MAPK10: variants seen among roughly 807,000 people sequenced by gnomAD.
MAPK10 encodes JNK3 alpha protein kinase.
In MAPK10, 25 loss-of-function variants were observed where a neutral mutation model predicts 59.3. The observed-to-expected ratio is 0.42, with a 90% CI of 0.31 to 0.59. MAPK10 has a LOEUF of 0.59. Ranked by LOEUF, MAPK10 falls within the 20% of genes least tolerant of loss-of-function variation. The probability of loss-of-function intolerance (pLI) is 0.15; values close to 1 mark genes in which losing one functional copy is unlikely to be tolerated. For missense variants in MAPK10, 351 were observed against 568.9 expected (o/e 0.62, Z 3.90); for synonymous variants, 190 against 200.5 (o/e 0.95, Z 0.44).
intron 2 of MAPK10, among the ~76,000 whole-genome samples, chr4:86,344,337 C>T (rs1726858662): frequency 6.6e-6 from 1 of 152,118 alleles, no homozygotes. Flanking sequence ...CCAGGCTGGC[C>T]TCAAACTCCT....
At chr4:86,107,480 A>T (rs2149084912) in intron 4 of MAPK10, 128 bp from the exon 5 acceptor site, 2 of 1,370,334 alleles carry the variant, frequency 1.5e-6, no homozygotes, top group East Asian at 5.5e-5. Context: ...CTCTGGTCAC[A>T]TGCCAATCAG....
chr4:86,491,059 T>C (rs1675329441), intron 1 of MAPK10, among the ~76,000 whole-genome samples: 1 of 152,178 alleles, frequency 6.6e-6, no homozygotes, highest in African/African-American at 2.4e-5. Context: ...AGATGTGATC[T>C]ACTGTGGGCA....
At chr4:86,163,175 T>C (rs2070407129) in intron 3 of MAPK10, among the ~76,000 whole-genome samples, 1 of 152,136 alleles carries the variant, frequency 6.6e-6, no homozygotes, top group Non-Finnish European at 1.5e-5. Context: ...CATAATAGCA[T>C]AGGAAATTTT....
At chr4:86,488,746 C>T (rs1023780413) in intron 1 of MAPK10, among the ~76,000 whole-genome samples, 1 of 152,184 alleles carries the variant, frequency 6.6e-6, no homozygotes, top group South Asian at 2.1e-4. Context: ...GTACTGCCCA[C>T]CCTTCCCCAT....
chr4:86,565,542 C>G (rs1713047189), intron 1 of MAPK10, among the ~76,000 whole-genome samples: 2 of 152,156 alleles, frequency 1.3e-5, no homozygotes, highest in Admixed American at 6.5e-5. Flanking sequence ...CAAGGTCCCT[C>G]TAAAACATCA....
intron 2 of MAPK10, among the ~76,000 whole-genome samples, chr4:86,259,332 T>G (rs951690352): frequency 1.3e-5 from 2 of 152,136 alleles, no homozygotes; most frequent in Non-Finnish European, 2.9e-5. Context: ...AACATCTACA[T>G]TTGGAGGTCC....
intron 2 of MAPK10, among the ~76,000 whole-genome samples, chr4:86,300,431 TA>T (rs2148843689): frequency 6.6e-6 from 1 of 152,076 alleles, no homozygotes; most frequent in African/African-American, 2.4e-5. Context: ...CTTCTTGTTT[TA>T]AAATACCTAC....
intron 1 of MAPK10, among the ~76,000 whole-genome samples, chr4:86,479,700 C>A (rs188145223): frequency 1.4e-4 from 22 of 152,270 alleles, no homozygotes; most frequent in African/African-American, 5.3e-4. Flanking sequence ...TGCTGAACTT[C>A]CTTAGGCACT....
chr4:86,500,283 T>C (rs573802042), intron 1 of MAPK10, among the ~76,000 whole-genome samples: 1 of 152,318 alleles, frequency 6.6e-6, no homozygotes, highest in East Asian at 1.9e-4. Flanking sequence ...GCAGATCAGC[T>C]TATTTGAAAT....
chr4:86,282,332 C>T (rs1405893902), intron 2 of MAPK10, among the ~76,000 whole-genome samples: 1 of 152,134 alleles, frequency 6.6e-6, no homozygotes, highest in Non-Finnish European at 1.5e-5. Context: ...CTAATGGAGA[C>T]TTATACCATT....
intron 2 of MAPK10, among the ~76,000 whole-genome samples, chr4:86,282,524 T>G (rs189839217): frequency 6.6e-6 from 1 of 152,272 alleles, no homozygotes; most frequent in Non-Finnish European, 1.5e-5. Flanking sequence ...AAAATTATAC[T>G]GCAACTATAA....
At chr4:86,215,026 A>G (rs2087046690) in intron 2 of MAPK10, among the ~76,000 whole-genome samples, 1 of 152,214 alleles carries the variant, frequency 6.6e-6, no homozygotes, top group African/African-American at 2.4e-5. Context: ...ACAAAGCTAC[A>G]ATAATCAAAA....
At chr4:86,154,119 A>T (rs1340993741) in intron 4 of MAPK10, among the ~76,000 whole-genome samples, 1 of 152,142 alleles carries the variant, frequency 6.6e-6, no homozygotes, top group Admixed American at 6.6e-5. Flanking sequence ...AAATAAAATC[A>T]TCTGGGGCCC....
chr4:86,417,506 T>C (rs1313839180), intron 1 of MAPK10, among the ~76,000 whole-genome samples: 1 of 152,216 alleles, frequency 6.6e-6, no homozygotes, highest in Non-Finnish European at 1.5e-5. Flanking sequence ...TTTAACATGT[T>C]AAAAGCTATA....
At chr4:86,222,647 AC>A (rs2089889101) in intron 2 of MAPK10, among the ~76,000 whole-genome samples, 1 of 152,156 alleles carries the variant, frequency 6.6e-6, no homozygotes, top group Admixed American at 6.5e-5. Flanking sequence ...ATAAAAATAA[AC>A]CTTTGTCTTT....
intron 3 of MAPK10, 28 bp from the exon 4 acceptor site, chr4:86,159,495 T>C: frequency 6.3e-7 from 1 of 1,593,888 alleles, no homozygotes; most frequent in Non-Finnish European, 8.6e-7. Context: ...AGCAAAAACA[T>C]GAGGCAAGTG....
At chr4:86,540,557 A>C (rs2149094896) in intron 1 of MAPK10, among the ~76,000 whole-genome samples, 1 of 152,338 alleles carries the variant, frequency 6.6e-6, no homozygotes, top group South Asian at 2.1e-4. Context: ...AATTAATAAA[A>C]ACGAACATGA....
chr4:86,443,375 T>G (rs2149049101), intron 1 of MAPK10, among the ~76,000 whole-genome samples: 1 of 150,004 alleles, frequency 6.7e-6, no homozygotes, highest in South Asian at 2.2e-4. Flanking sequence ...CTTACTAGAG[T>G]TTTATCAGAG....
chr4:86,350,864 A>G (rs1578727747), intron 2 of MAPK10, among the ~76,000 whole-genome samples: 2 of 152,222 alleles, frequency 1.3e-5, no homozygotes, highest in East Asian at 3.8e-4. Context: ...TTATGGCAGT[A>G]ACAACAGATT....
Sources: gnomAD v4.1 joint callset for allele counts (sites outside exome capture counted in the v4.1 genomes callset) on GRCh38, gnomAD v4.1.1 for gene constraint, MANE v1.5 for transcripts, NCBI Gene and HGNC (gene_info 2026-07-23, HGNC 2026-07-21) for gene names.